Variants in CCDC88C observed in about 807,000 individuals in gnomAD.
The protein encoded by CCDC88C is coiled-coil and HOOK domain protein 88C, also known as protein Daple.
CCDC88C carries 131 observed loss-of-function variants against 198.8 expected under a neutral mutation model. That is an observed-to-expected ratio of 0.66 (90% CI 0.57 to 0.76). The LOEUF (loss-of-function observed/expected upper bound fraction) is 0.76. Among genes scored for constraint, CCDC88C ranks in the 30% least tolerant of loss-of-function variants. The pLI is 0.00. For missense variants in CCDC88C, 2,553 were observed against 2,631.6 expected (o/e 0.97, Z 0.65); for synonymous variants, 1,166 against 1,114.7 (o/e 1.05, Z -0.92).
chr14:91,300,183 G>C, intron 20 of CCDC88C, 113 bp from the exon 21 acceptor site: 2 of 1,435,122 alleles, frequency 1.4e-6, no homozygotes, highest in Non-Finnish European at 1.9e-6. Context: ...TTCCTCTGGA[G>C]AGTCTCTCTG....
intron 24 of CCDC88C, among the ~76,000 whole-genome samples, chr14:91,290,044 G>T (rs1890592007): frequency 6.6e-6 from 1 of 152,210 alleles, no homozygotes; most frequent in Non-Finnish European, 1.5e-5. Flanking sequence ...GCCGAGGTGG[G>T]TGGATCAACT....
intron 20 of CCDC88C, among the ~76,000 whole-genome samples, chr14:91,302,397 T>G (rs1195610051): frequency 6.6e-6 from 1 of 152,152 alleles, no homozygotes; most frequent in Non-Finnish European, 1.5e-5. Flanking sequence ...CAGATTCAGG[T>G]GCACATCACA....
At chr14:91,372,726 G>A (rs1044803812) in intron 3 of CCDC88C, among the ~76,000 whole-genome samples, 3 of 152,114 alleles carry the variant, frequency 2.0e-5, no homozygotes, top group South Asian at 2.1e-4. Flanking sequence ...TTATCTAAAC[G>A]GTGACAGCAG....
At position 91,339,848 on chromosome 14, in the gene CCDC88C, T is replaced by A; in HGVS notation, c.624+36A>T. On this transcript the variant is annotated intron_variant, in intron 7 of 29. Coordinates refer to ENST00000389857, the MANE Select transcript of CCDC88C (RefSeq NM_001080414.4). This position sits in a 1 kb window ranked among gnomAD's most constrained non-coding sequence, Gnocchi z 5.8. The stretch of plus-strand genomic sequence containing the variant: ...AGGAGATGAAGGGGCCTAAGCCCCT[T>A]CCCAGGCTGACCGGGCCACCGACCC... 1 of 1,555,996 alleles carries A rather than the reference T, an allele frequency of 6.4e-7. No homozygotes were observed. Among genetic ancestry groups the A allele is most frequent in the Non-Finnish European group, 8.7e-7 (1 of 1,149,920 alleles).
chr14:91,381,669 C>G lies in CCDC88C; in HGVS notation c.271-21958G>C, dbSNP rs1460706241. 1.3e-5 allele frequency among the ~76,000 whole-genome samples: 2 copies of G among 152,152 alleles called. No homozygotes were observed. The highest frequency in any genetic ancestry group is 2.9e-5 in the Non-Finnish European group (2 of 68,030). ...CCAACTTGGTGAAACCCCGTCTCTA[C>G]TAAAAATACAAACAATTATCTGGGC... On this transcript the variant is annotated intron_variant, in intron 3 of 29. Transcript: ENST00000389857. The surrounding 1 kb of genome is among the most constrained non-coding windows in gnomAD (Gnocchi z 4.2).
chr14:91,310,914 C>T (rs1891792121), intron 15 of CCDC88C, among the ~76,000 whole-genome samples: 1 of 152,182 alleles, frequency 6.6e-6, no homozygotes, highest in African/African-American at 2.4e-5. Flanking sequence ...TGCTCATTAC[C>T]TGCTCCCCCA....
In CCDC88C at chr14:91,338,417, CCTCCAGGCCCCGTTACTGGACA is replaced by C. The variant is rs1290475150; in HGVS notation, c.891+50_891+71del. ...AAAGCGCTGCTGTTGAGCTCCTGAC[CCTCCAGGCCCCGTTACTGGACA>C]CTCCAGCCCTGCTACCCCCAGGACA... On this transcript the variant is annotated intron_variant, in intron 9 of 29. Coordinates refer to ENST00000389857, the MANE Select transcript of CCDC88C (RefSeq NM_001080414.4). The surrounding 1 kb of genome is among the most constrained non-coding windows in gnomAD (Gnocchi z 4.8). 5.2e-6 allele frequency: 7 copies of C among 1,339,778 alleles called. No homozygotes were observed. The highest frequency in any genetic ancestry group is 7.3e-6 in the Non-Finnish European group (7 of 955,156). The allele number at this position is 1,339,778 out of a possible 1,614,324, so 83.0% of individuals were successfully genotyped here. A position where few individuals can be genotyped will look rare whatever the true frequency, so the allele number is the denominator to read the frequency against.
chr14:91,370,144 C>T (rs772659377), intron 3 of CCDC88C, among the ~76,000 whole-genome samples: 14 of 152,240 alleles, frequency 9.2e-5, no homozygotes, highest in Non-Finnish European at 1.5e-4. Context: ...CTGCCTCTGC[C>T]TGTAACCTAC....
At chr14:91,295,034 G>A (rs961966951) in intron 22 of CCDC88C, among the ~76,000 whole-genome samples, 8 of 152,132 alleles carry the variant, frequency 5.3e-5, no homozygotes, top group African/African-American at 1.4e-4. Flanking sequence ...TCCAATACGC[G>A]ACTATGAGAA....
rs34204634 is a variant in CCDC88C, at chr14:91,275,818, C to CTTTTT, written c.5058+2099_5058+2103dup. Among the ~76,000 whole-genome samples, 38 of 82,298 alleles carry CTTTTT rather than the reference C, an allele frequency of 4.6e-4. 1 individual carries two copies. The highest frequency in any genetic ancestry group is 6.3e-4 in the Non-Finnish European group (29 of 46,160). The allele number at this position is 82,298 out of a possible 152,430, so 54.0% of individuals were successfully genotyped here. A position where few individuals can be genotyped will look rare whatever the true frequency, so the allele number is the denominator to read the frequency against. The stretch of plus-strand genomic sequence containing the variant: ...CACCGCTTGGCCTAGACCAGTGGTT[C>CTTTTT]TTTTTTTTTTTTTTTTTTTTTGAGA... On this transcript the variant is annotated intron_variant, in intron 29 of 29. Coordinates refer to ENST00000389857, the MANE Select transcript of CCDC88C (RefSeq NM_001080414.4).
chr14:91,301,054 T>C (rs577843814), intron 20 of CCDC88C, among the ~76,000 whole-genome samples: 1 of 152,308 alleles, frequency 6.6e-6, no homozygotes, highest in South Asian at 2.1e-4. Flanking sequence ...AGCACATTAA[T>C]CAAGCATGTC....
chr14:91,417,289 G>A, intron 1 of CCDC88C: 1 of 676,864 alleles, frequency 1.5e-6, no homozygotes, highest in Non-Finnish European at 2.7e-6. Context: ...TCCTTTTCGG[G>A]AGTGGCTAAA....
intron 3 of CCDC88C, among the ~76,000 whole-genome samples, chr14:91,405,999 C>A (rs948432599): frequency 6.6e-6 from 1 of 152,218 alleles, no homozygotes. Flanking sequence ...GAGCTCCCAG[C>A]ACAAAAGGAG....
intron 3 of CCDC88C, chr14:91,378,648 T>A (rs1046743789): frequency 1.3e-5 from 2 of 152,448 alleles, no homozygotes; most frequent in Non-Finnish European, 2.9e-5. Flanking sequence ...TGCTCTTTTT[T>A]ATGTAGTTTT....
At chr14:91,386,305 C>A (rs8019842) in intron 3 of CCDC88C, among the ~76,000 whole-genome samples, 68,079 of 134,180 alleles carry the variant, frequency 0.51, 17,091 homozygotes, top group Non-Finnish European at 0.53. Flanking sequence ...AAAAAAAAAA[C>A]AAAAACCTAG....
At chr14:91,358,084 A>T (rs1894124111) in intron 4 of CCDC88C, among the ~76,000 whole-genome samples, 1 of 152,158 alleles carries the variant, frequency 6.6e-6, no homozygotes, top group African/African-American at 2.4e-5. Flanking sequence ...CGGACACCTC[A>T]GCCAGCTGGA....
chr14:91,353,866 G>A (rs1267745239), intron 4 of CCDC88C, among the ~76,000 whole-genome samples: 1 of 152,246 alleles, frequency 6.6e-6, no homozygotes, highest in African/African-American at 2.4e-5. Flanking sequence ...CCTGTAGGGT[G>A]TGCATATGCA....
intron 29 of CCDC88C, among the ~76,000 whole-genome samples, chr14:91,276,992 C>G (rs1416718802): frequency 1.3e-5 from 2 of 152,056 alleles, no homozygotes. Flanking sequence ...TTTCTTGAGA[C>G]AGAGTCTCGC....
chr14:91,304,135 A>T (rs1282478673), intron 19 of CCDC88C, among the ~76,000 whole-genome samples, 157 bp from the exon 20 acceptor site: 1 of 152,228 alleles, frequency 6.6e-6, no homozygotes, highest in East Asian at 1.9e-4. Context: ...AACTTAAGCA[A>T]CTGCTGTGGG....
Sources: gnomAD v4.1 joint callset for allele counts (sites outside exome capture counted in the v4.1 genomes callset) on GRCh38, gnomAD v4.1.1 for gene constraint, Gnocchi (gnomAD v3.1) non-coding constraint, MANE v1.5 for transcripts, NCBI Gene and HGNC (gene_info 2026-07-23, HGNC 2026-07-21) for gene names.